Variants in POR observed in about 807,000 individuals in gnomAD.
POR encodes the protein cytochrome p450 oxidoreductase, also known as NADPH--cytochrome P450 reductase.
Under a neutral mutation model 84.0 loss-of-function variants are expected in POR, and 56 were observed. The observed-to-expected ratio is 0.67, with a 90% confidence interval of 0.54 to 0.83. The LOEUF is 0.83. Ranked by LOEUF, POR falls within the 40% of genes least tolerant of loss-of-function variation. The pLI, the probability that POR is intolerant of heterozygous loss-of-function variation, is 0.00. For missense variants in POR, 938 were observed against 944.3 expected (o/e 0.99, Z 0.09); for synonymous variants, 414 against 400.5 (o/e 1.03, Z -0.40).
At position 75,986,248 on chromosome 7, in the gene POR, G is replaced by A. The variant is rs782801760; in HGVS notation, c.1898+7G>A. On this transcript the variant is annotated splice_region_variant and intron_variant, in intron 15 of 15. Coordinates refer to ENST00000461988, the MANE Select transcript of POR (RefSeq NM_000941.3). ...CCCACATCTACGTCTGTGGGTGAGT[G>A]AGTGGGGTCACTGGAATAGGGGGCA... 6 of 1,612,562 alleles carry A rather than the reference G, an allele frequency of 3.7e-6. No individual in the cohort carries two copies. The South Asian group carries it at 5.5e-5, about 15-fold the overall frequency.
Position 75,986,021 on chromosome 7 carries a change from G to A in POR, c.1768G>A (p.Ala590Thr). The A allele has an allele frequency of 1.3e-6, 2 of 1,564,082 alleles. No individual in the cohort carries two copies. The highest frequency in any genetic ancestry group is 1.7e-6 in the Non-Finnish European group (2 of 1,155,382). ...GCTGGCGCAGTTCCACAGGGACGGTGCGCTCACCCAGCTCAACGTGGCCTT... is the reference window on the plus strand; with the variant it reads ...GCTGGCGCAGTTCCACAGGGACGGTACGCTCACCCAGCTCAACGTGGCCTT... The change falls in exon 14 of 16, where the codon GCG becomes ACG. Residue 590 changes from alanine to threonine, a missense_variant. By Grantham distance (58) the Ala-to-Thr change is moderately conservative. Transcript: ENST00000461988.
intron 3 of POR, among the ~76,000 whole-genome samples, chr7:75,976,749 A>AG (rs1394719616): frequency 7.2e-6 from 1 of 138,332 alleles, no homozygotes; most frequent in Non-Finnish European, 1.7e-5. Context: ...CTCTGTCTCA[A>AG]GAAAAAAAAA....
chr7:75,979,365 C>T (rs1382338865), intron 3 of POR, 86 bp from the exon 4 acceptor site: 39 of 1,522,494 alleles, frequency 2.6e-5, no homozygotes, highest in Middle Eastern at 1.7e-4. Flanking sequence ...GGAGGGCCCC[C>T]GCCTGCCAGG....
At position 75,954,151 on chromosome 7, in the gene POR, A is replaced by C. The variant is rs370701548; in HGVS notation, c.159A>C (p.Glu53Asp). The C allele has an allele frequency of 3.3e-5, 54 of 1,612,012 alleles. No individual in the cohort carries two copies. Among genetic ancestry groups the C allele is most frequent in the Non-Finnish European group, 4.4e-5 (52 of 1,179,096 alleles). The change falls in exon 2 of 16, where the codon GAA (glutamate) becomes GAC (aspartate). Residue 53 changes from glutamate (E) to aspartate (D), a missense_variant. Glu to Asp is a conservative substitution (Grantham distance 45). Transcript: ENST00000461988. ...TCCTCTTCAGAAAGAAAAAAGAAGA[A>C]GTCCCCGAGTTCACCAAAATTCAGA...
At position 75,986,259 on chromosome 7, in the gene POR, C is replaced by G. The variant is rs1554559410; in HGVS notation, c.1898+18C>G. Reference sequence around the variant, plus strand: ...GTCTGTGGGTGAGTGAGTGGGGTCACTGGAATAGGGGGCAGGGAGGACAAG... The same window carrying G: ...GTCTGTGGGTGAGTGAGTGGGGTCAGTGGAATAGGGGGCAGGGAGGACAAG... On this transcript the variant is annotated intron_variant, in intron 15 of 15. Coordinates refer to ENST00000461988, the MANE Select transcript of POR (RefSeq NM_000941.3). The G allele has an allele frequency of 1.2e-6, 2 of 1,612,536 alleles. No individual in the cohort carries two copies. Among genetic ancestry groups the G allele is most frequent in the East Asian group, 2.2e-5 (1 of 44,888 alleles).
At chr7:75,978,945 C>T (rs995722802) in intron 3 of POR, among the ~76,000 whole-genome samples, 1 of 148,930 alleles carries the variant, frequency 6.7e-6, no homozygotes, top group African/African-American at 2.5e-5. Flanking sequence ...TACAGGTGCA[C>T]GCCACCATGC....
chr7:75,967,139 T>C (rs1214076999), intron 2 of POR, among the ~76,000 whole-genome samples: 1 of 152,132 alleles, frequency 6.6e-6, no homozygotes, highest in African/African-American at 2.4e-5. Context: ...TACACCCGGC[T>C]AATTTTTGTA....
At chr7:75,963,710 T>A (rs1016227193) in intron 2 of POR, among the ~76,000 whole-genome samples, 1 of 152,004 alleles carries the variant, frequency 6.6e-6, no homozygotes, top group Non-Finnish European at 1.5e-5. Flanking sequence ...GGAGGCCAAG[T>A]GTGGAGGCTG....
At chr7:75,977,900 T>G (rs1788771233) in intron 3 of POR, among the ~76,000 whole-genome samples, 1 of 152,186 alleles carries the variant, frequency 6.6e-6, no homozygotes, top group South Asian at 2.1e-4. Flanking sequence ...CCTTCCACCC[T>G]TCAGATCTTG....
rs559742444 is a variant in POR at position 75,921,523 on chromosome 7, A to G, written c.-5+6344A>G. ...GCGATCTGCCTGCCTCGGCCTCCCA[A>G]AGTGCTGGGATTACAGCAGGCGTGA... On this transcript the variant is annotated intron_variant, in intron 1 of 15. Transcript: ENST00000461988. Among the ~76,000 whole-genome samples, 125 of 152,050 alleles carry G rather than the reference A, an allele frequency of 8.2e-4. 1 individual carries two copies. Among genetic ancestry groups the G allele is most frequent in the African/African-American group, 2.9e-3 (119 of 41,492 alleles).
chr7:75,935,994 A>T (rs1807658062), intron 1 of POR, among the ~76,000 whole-genome samples: 1 of 151,152 alleles, frequency 6.6e-6, no homozygotes, highest in South Asian at 2.1e-4. Context: ...TCCCTTTGGC[A>T]GTTTTCTGAC....
chr7:75,962,058 T>TA (rs1335847311), intron 2 of POR, among the ~76,000 whole-genome samples: 6 of 151,984 alleles, frequency 3.9e-5, no homozygotes, highest in Non-Finnish European at 7.4e-5. Flanking sequence ...TTTCTGAACA[T>TA]AACACAACGC....
Position 75,923,304 on chromosome 7 carries a change from G to A in POR, c.-5+8125G>A. On this transcript the variant is annotated intron_variant, in intron 1 of 15. Coordinates refer to ENST00000461988, the MANE Select transcript of POR (RefSeq NM_000941.3). ...TGCCTTCCCAAGGAAGCATTTCCAG[G>A]AGATCTCATGGTTCTTGTCCCCTTT... 3.3e-6 allele frequency: 4 copies of A among 1,206,180 alleles called. No individual in the cohort carries two copies. The South Asian group carries it at 3.6e-5, about 11-fold the overall frequency. The allele number at this position is 1,206,180 out of a possible 1,614,324, so 74.7% of individuals were successfully genotyped here.
At chr7:75,937,561 CA>C (rs112299371) in intron 1 of POR, among the ~76,000 whole-genome samples, 27 of 150,196 alleles carry the variant, frequency 1.8e-4, no homozygotes, top group African/African-American at 6.1e-4. Flanking sequence ...GGGGGTGGAT[CA>C]CCTGAGGTCA....
At chr7:75,980,510 A>G (rs72555504) in intron 5 of POR, 22 bp downstream of exon 5, 13 of 1,612,506 alleles carry the variant, frequency 8.1e-6, no homozygotes, top group African/African-American at 1.3e-5. Flanking sequence ...AGAGACTGCT[A>G]TGGGCTCCCG....
At chr7:75,923,973 C>T (rs2116223225) in intron 1 of POR, among the ~76,000 whole-genome samples, 1 of 152,144 alleles carries the variant, frequency 6.6e-6, no homozygotes, top group East Asian at 1.9e-4. Context: ...AGGAAAAATT[C>T]CAGCGTTTTC....
chr7:75,985,422 C>A, intron 12 of POR, 157 bp from the exon 13 acceptor site: 1 of 1,151,322 alleles, frequency 8.7e-7, no homozygotes, highest in Non-Finnish European at 1.2e-6. Flanking sequence ...CAGAACCAGT[C>A]CGGGAAGCCG....
rs571790757 is a variant in POR at position 75,980,309 on chromosome 7, C to T, written c.367-30C>T. On this transcript the variant is annotated intron_variant, in intron 4 of 15. Coordinates refer to ENST00000461988, the MANE Select transcript of POR (RefSeq NM_000941.3). The stretch of plus-strand genomic sequence containing the variant: ...AACCTTGAACAGGCTCAGTCATGGC[C>T]GGGGCGCGGTCCTGTCCCTGTTTCT... 359 of 1,602,250 alleles carry T rather than the reference C, an allele frequency of 2.2e-4. 2 individuals are homozygous for T. The South Asian group carries it at 3.5e-3, about 16-fold the overall frequency.
Position 75,986,008 on chromosome 7 carries a change from C to G in POR, c.1755C>G (p.Phe585Leu). The change falls in exon 14 of 16, where the codon TTC (phenylalanine) becomes TTG (leucine). Residue 585 changes from phenylalanine (F) to leucine (L), a missense_variant. Physicochemically the swap from Phe to Leu is conservative, Grantham distance 22. Coordinates refer to ENST00000461988, the MANE Select transcript of POR (RefSeq NM_000941.3). ...TGTACCGGGAGGAGCTGGCGCAGTT[C>G]CACAGGGACGGTGCGCTCACCCAGC... 2 of 1,568,658 alleles carry G rather than the reference C, an allele frequency of 1.3e-6. No homozygotes were observed. Among genetic ancestry groups the G allele is most frequent in the Non-Finnish European group, 8.6e-7 (1 of 1,157,976 alleles).
Sources: allele counts gnomAD v4.1 joint callset (sites outside exome capture counted in the v4.1 genomes callset), GRCh38; gene constraint gnomAD v4.1.1; transcripts MANE v1.5; gene names NCBI Gene and HGNC (gene_info 2026-07-23, HGNC 2026-07-21).